The following CHST8 variants were observed in gnomAD, a reference collection of about 807,000 sequenced individuals.
CHST8 encodes GALNAC-4-ST1.
In CHST8, 10 loss-of-function variants were observed where a neutral mutation model predicts 15.0. The ratio of observed to expected loss-of-function variants is 0.67; its 90% CI spans 0.41 to 1.13. CHST8 has a LOEUF of 1.13. CHST8 is among the 50% of genes most tolerant of loss of function. CHST8 has a pLI of 0.00. For synonymous variants in CHST8, 259 were observed against 256.6 expected, an observed-to-expected ratio of 1.01 and a Z score of -0.09; for missense variants, 634 against 608.2, an observed-to-expected ratio of 1.04 and a Z score of -0.45.
rs573589313 is a variant in CHST8 at position 33,744,606 on chromosome 19, G to A, written c.131-26807G>A. 2.0e-5 allele frequency: 3 copies of A among 152,094 alleles called. No individual in the cohort carries two copies. In the South Asian group the frequency reaches 6.2e-4, roughly 32 times the overall value. 9.4% of individuals were successfully genotyped at this position (152,094 alleles called of 1,614,324 possible). On this transcript the variant is annotated intron_variant, in intron 3 of 4. Coordinates refer to ENST00000650847, the MANE Select transcript of CHST8 (RefSeq NM_001127895.2). ...GAGACAGTTTTGTTCTGTCAGCCAG[G>A]TTGTAGTGCAGTGCTGCAATCATAG...
At chr19:33,770,841 CA>C (rs1461933494) in intron 3 of CHST8, among the ~76,000 whole-genome samples, 3 of 152,200 alleles carry the variant, frequency 2.0e-5, no homozygotes, top group Non-Finnish European at 4.4e-5. Flanking sequence ...GCCAAGATCA[CA>C]AAGCAAATGC....
chr19:33,754,531 A>T (rs1974505771), intron 3 of CHST8, among the ~76,000 whole-genome samples: 1 of 152,148 alleles, frequency 6.6e-6, no homozygotes, highest in South Asian at 2.1e-4. Context: ...TGATCCAAGG[A>T]CAGGATCGAC....
At position 33,664,718 on chromosome 19, in the gene CHST8, G is replaced by A. The variant is rs10407615; in HGVS notation, c.-163-3049G>A. On this transcript the variant is annotated intron_variant, in intron 1 of 4. Transcript: ENST00000650847. ...CAAATTGTTTTCTAAAATTGGTTGG[G>A]AATATATTTGCTTTTTTCCCCCCTT... Among the ~76,000 whole-genome samples the A allele has an allele frequency of 2.8e-3, 421 of 151,970 alleles. 2 individuals are homozygous for A. Among genetic ancestry groups the A allele is most frequent in the African/African-American group, 9.7e-3 (401 of 41,450 alleles).
intron 3 of CHST8, among the ~76,000 whole-genome samples, chr19:33,732,448 G>A (rs530573902): frequency 1.1e-4 from 16 of 151,746 alleles, no homozygotes; most frequent in Admixed American, 2.6e-4. Flanking sequence ...CACCTGCACC[G>A]CTGGCCAACT....
At chr19:33,736,437 C>T (rs1974085053) in intron 3 of CHST8, among the ~76,000 whole-genome samples, 1 of 152,188 alleles carries the variant, frequency 6.6e-6, no homozygotes, top group Non-Finnish European at 1.5e-5. Flanking sequence ...CAGCCTAGCA[C>T]TGCCTTCCCC....
chr19:33,709,114 A>C (rs1359013835), intron 3 of CHST8, among the ~76,000 whole-genome samples: 1 of 152,196 alleles, frequency 6.6e-6, no homozygotes, highest in Admixed American at 6.5e-5. Context: ...CTAATTGTTT[A>C]TGTAAATTCC....
intron 3 of CHST8, among the ~76,000 whole-genome samples, chr19:33,699,968 C>T (rs531267904): frequency 1.3e-5 from 2 of 152,340 alleles, no homozygotes; most frequent in Non-Finnish European, 2.9e-5. Context: ...ATAGAGGCAA[C>T]AGAAGTGCAG....
At chr19:33,757,116 GCAGTGGCTCATGCCTGTAATCCCAGCA>G (rs1220282066) in intron 3 of CHST8, among the ~76,000 whole-genome samples, 8 of 152,098 alleles carry the variant, frequency 5.3e-5, no homozygotes, top group Non-Finnish European at 8.8e-5. Flanking sequence ...CAGGATGGGC[GCAGTGGCTCATGCCTGTAATCCCAGCA>G]CTTTGGGAGG....
In CHST8 at chr19:33,771,900, GCCC is replaced by G. The variant is rs372693265; in HGVS notation, c.169-56_169-54del. ...CCGTGGTGAGAGCCTGACCTGTGTG[GCCC>G]TCAGTGCCCAGCTGTCCTTTCCACT... On this transcript the variant is annotated intron_variant, in intron 4 of 4. Transcript: ENST00000650847. The G allele has an allele frequency of 1.7e-4, 256 of 1,513,572 alleles. No homozygotes were observed. In the East Asian group the frequency reaches 3.8e-3, roughly 23 times the overall value. The allele number at this position is 1,513,572 out of a possible 1,614,324, so 93.8% of individuals were successfully genotyped here.
chr19:33,742,375 C>G (rs922037300), intron 3 of CHST8, among the ~76,000 whole-genome samples: 1 of 152,168 alleles, frequency 6.6e-6, no homozygotes, highest in Admixed American at 6.5e-5. Context: ...ATCTGCTCAG[C>G]CTCAGGAAGC....
chr19:33,627,275 T>G (rs1972068315), intron 1 of CHST8, among the ~76,000 whole-genome samples: 1 of 151,620 alleles, frequency 6.6e-6, no homozygotes, highest in African/African-American at 2.4e-5. Context: ...TAATTTTTTT[T>G]TTTTTTTAAT....
intron 3 of CHST8, among the ~76,000 whole-genome samples, chr19:33,747,003 A>C (rs973732052): frequency 6.6e-6 from 1 of 152,196 alleles, no homozygotes; most frequent in African/African-American, 2.4e-5. Context: ...CAAACGGACT[A>C]TATATCATGA....
chr19:33,762,598 G>A lies in CHST8; in HGVS notation c.131-8815G>A, dbSNP rs371119779. ...CCCCAGTGTCGCTGCGCTGGGGGCAGGAGCTGCGCTGCGGGAGATTCAGCC... is the reference window on the plus strand; with the variant it reads ...CCCCAGTGTCGCTGCGCTGGGGGCAAGAGCTGCGCTGCGGGAGATTCAGCC... On this transcript the variant is annotated intron_variant, in intron 3 of 4. Transcript: ENST00000650847. Among the ~76,000 whole-genome samples, 96 of 152,382 alleles carry A rather than the reference G, an allele frequency of 6.3e-4. 1 individual carries two copies. In the South Asian group the frequency reaches 0.019, roughly 31 times the overall value.
At chr19:33,714,321 T>TA (rs112203123) in intron 3 of CHST8, among the ~76,000 whole-genome samples, 6,215 of 152,036 alleles carry the variant, frequency 0.041, 348 homozygotes, top group African/African-American at 0.12. Context: ...TATGCAGCCA[T>TA]AAAAAAAGAA....
chr19:33,649,916 A>G (rs1173050049), intron 1 of CHST8, among the ~76,000 whole-genome samples: 2 of 152,192 alleles, frequency 1.3e-5, no homozygotes, highest in Non-Finnish European at 2.9e-5. Flanking sequence ...GTGCTTGTTT[A>G]GCTGCTAGAG....
At chr19:33,684,741 C>G (rs1600260838) in intron 2 of CHST8, 2 of 152,284 alleles carry the variant, frequency 1.3e-5, no homozygotes, top group East Asian at 3.9e-4. Context: ...CGGCGACGAG[C>G]AGATGAGTTC....
At chr19:33,682,126 G>A (rs903528725) in intron 2 of CHST8, among the ~76,000 whole-genome samples, 1 of 151,086 alleles carries the variant, frequency 6.6e-6, no homozygotes, top group Non-Finnish European at 1.5e-5. Flanking sequence ...AAAGTGCTGG[G>A]ATTATAGGCG....
intron 2 of CHST8, among the ~76,000 whole-genome samples, chr19:33,676,925 T>C (rs1972817762): frequency 6.6e-6 from 1 of 151,658 alleles, no homozygotes; most frequent in Non-Finnish European, 1.5e-5. Context: ...AATAGGAAGA[T>C]CTGAAGGTCT....
chr19:33,763,235 G>A (rs1026642987), intron 3 of CHST8, among the ~76,000 whole-genome samples: 7 of 152,222 alleles, frequency 4.6e-5, no homozygotes, highest in African/African-American at 9.7e-5. Context: ...GGTCCTCCGC[G>A]TGGTCCACAG....
Sources: allele counts gnomAD v4.1 joint callset (sites outside exome capture counted in the v4.1 genomes callset), GRCh38; gene constraint gnomAD v4.1.1; transcripts MANE v1.5; gene names NCBI Gene and HGNC (gene_info 2026-07-23, HGNC 2026-07-21).